Variants in OTUD7A observed in about 807,000 individuals in gnomAD.
OTUD7A encodes OTU deubiquitinase 7A.
A neutral mutation model predicts 65.7 loss-of-function variants in OTUD7A; 12 were observed. That is an observed-to-expected ratio of 0.18 (90% CI 0.12 to 0.30). The LOEUF is 0.30. Among genes scored for constraint, OTUD7A ranks in the 10% least tolerant of loss-of-function variants. The pLI is 1.00. For synonymous variants in OTUD7A, 641 were observed against 586.3 expected, an observed-to-expected ratio of 1.09 and a Z score of -1.35; for missense variants, 1,148 against 1,304.8, an observed-to-expected ratio of 0.88 and a Z score of 1.85.
intron 1 of OTUD7A, among the ~76,000 whole-genome samples, chr15:31,806,275 G>T (rs905870818): frequency 4.6e-5 from 7 of 152,134 alleles, no homozygotes; most frequent in Non-Finnish European, 8.8e-5. Flanking sequence ...GTGCATCTCT[G>T]GACAGGACTT....
chr15:31,733,142 G>T (rs2141363546), intron 1 of OTUD7A, among the ~76,000 whole-genome samples: 1 of 152,276 alleles, frequency 6.6e-6, no homozygotes, highest in South Asian at 2.1e-4. Flanking sequence ...AGTTGGTGAT[G>T]TATCAGCACT....
chr15:31,762,932 AG>A (rs1895006571), intron 1 of OTUD7A, among the ~76,000 whole-genome samples: 1 of 152,232 alleles, frequency 6.6e-6, no homozygotes, highest in South Asian at 2.1e-4. Flanking sequence ...TATTGGCAAA[AG>A]CAGACAAAAG....
intron 3 of OTUD7A, among the ~76,000 whole-genome samples, chr15:31,639,047 T>A (rs1891432821): frequency 3.3e-5 from 5 of 151,760 alleles, no homozygotes; most frequent in African/African-American, 1.2e-4. Flanking sequence ...GGCAGGAGAA[T>A]GGCGTGAACC....
chr15:31,537,467 A>G (rs892392942), intron 5 of OTUD7A, among the ~76,000 whole-genome samples: 1 of 152,254 alleles, frequency 6.6e-6, no homozygotes, highest in Non-Finnish European at 1.5e-5. Context: ...AAGTCACCTT[A>G]TTAAAGCTAA....
At chr15:31,846,141 T>C (rs1897288776) in intron 1 of OTUD7A, among the ~76,000 whole-genome samples, 1 of 152,218 alleles carries the variant, frequency 6.6e-6, no homozygotes, top group African/African-American at 2.4e-5. Context: ...ACCTCCTGTC[T>C]TCTGGGACTC....
rs971551856 is a variant in OTUD7A, at chr15:31,670,484, G to A, written c.-99-13407C>T. Among the ~76,000 whole-genome samples the A allele has an allele frequency of 2.2e-4, 33 of 151,860 alleles. 1 individual carries two copies. Among genetic ancestry groups the A allele is most frequent in the South Asian group, 2.1e-4 (1 of 4,826 alleles). On this transcript the variant is annotated intron_variant, in intron 1 of 12. Coordinates refer to ENST00000307050, the MANE Select transcript of OTUD7A (RefSeq NM_001382637.1). Reference sequence around the variant, plus strand: ...TAATAATTGTCATTCTGACTAGCACGAGATGGTATCTCATTGCAGTTTTGC... The same window carrying A: ...TAATAATTGTCATTCTGACTAGCACAAGATGGTATCTCATTGCAGTTTTGC...
chr15:31,526,229 T>G (rs74012507), intron 8 of OTUD7A, 120 bp downstream of exon 8: 52,999 of 1,057,424 alleles, frequency 0.05, 1,960 homozygotes, highest in African/African-American at 0.17. Context: ...CTGGAATCTT[T>G]CTGTCTTCCA....
At chr15:31,500,208 C>T (rs941064106) in intron 10 of OTUD7A, among the ~76,000 whole-genome samples, 22 of 152,210 alleles carry the variant, frequency 1.4e-4, no homozygotes, top group African/African-American at 4.1e-4. Context: ...GCTAAATCCC[C>T]GGGAAGGAGG....
intron 1 of OTUD7A, among the ~76,000 whole-genome samples, chr15:31,785,618 A>G (rs1202985668): frequency 6.6e-6 from 1 of 152,172 alleles, no homozygotes; most frequent in Non-Finnish European, 1.5e-5. Context: ...GATGCCTTCC[A>G]TGATTCTGAC....
chr15:31,655,069 G>T (rs1891949185), intron 3 of OTUD7A, 27 bp downstream of exon 3: 1 of 1,610,316 alleles, frequency 6.2e-7, no homozygotes, highest in Non-Finnish European at 8.5e-7. Context: ...CAGAATGGTG[G>T]TGTGGGGAAC....
chr15:31,596,681 G>A (rs1889913319), intron 3 of OTUD7A, among the ~76,000 whole-genome samples: 1 of 152,024 alleles, frequency 6.6e-6, no homozygotes, highest in African/African-American at 2.4e-5. Flanking sequence ...TTTGGTGGGT[G>A]TGCAGTGATA....
At chr15:31,833,605 A>G (rs1479832042) in intron 1 of OTUD7A, among the ~76,000 whole-genome samples, 3 of 152,236 alleles carry the variant, frequency 2.0e-5, no homozygotes, top group Admixed American at 1.3e-4. Flanking sequence ...TGCTTAGCAA[A>G]TATGTATTTA....
chr15:31,557,049 C>T (rs958915221), intron 5 of OTUD7A: 1 of 152,262 alleles, frequency 6.6e-6, no homozygotes, highest in Admixed American at 6.5e-5. Context: ...AATTTCTCCA[C>T]AGTCACAACA....
intron 10 of OTUD7A, among the ~76,000 whole-genome samples, chr15:31,488,235 G>A (rs1378740938): frequency 6.6e-6 from 1 of 152,186 alleles, no homozygotes; most frequent in Non-Finnish European, 1.5e-5. Flanking sequence ...GAGGTCACAT[G>A]TAGGTGGAGA....
chr15:31,649,159 T>C (rs1891762914), intron 3 of OTUD7A, among the ~76,000 whole-genome samples: 1 of 152,206 alleles, frequency 6.6e-6, no homozygotes, highest in Non-Finnish European at 1.5e-5. Flanking sequence ...CTGAAATAAA[T>C]GTCTCACTTT....
chr15:31,757,905 T>C (rs759855070), intron 1 of OTUD7A, among the ~76,000 whole-genome samples: 1 of 152,174 alleles, frequency 6.6e-6, no homozygotes, highest in Non-Finnish European at 1.5e-5. Flanking sequence ...CCACTGATGA[T>C]CGTTAGAACA....
At chr15:31,798,994 G>A (rs1404341147) in intron 1 of OTUD7A, among the ~76,000 whole-genome samples, 4 of 152,238 alleles carry the variant, frequency 2.6e-5, no homozygotes, top group Non-Finnish European at 5.9e-5. Flanking sequence ...GGCCTTCAAG[G>A]AGGGGCCAGG....
intron 3 of OTUD7A, 47 bp downstream of exon 3, chr15:31,655,049 T>C (rs370264263): frequency 1.3e-6 from 2 of 1,585,406 alleles, no homozygotes; most frequent in South Asian, 2.3e-5. Context: ...ATTTGGAAGG[T>C]GGTTATGCCC....
chr15:31,570,019 T>G lies in OTUD7A; in HGVS notation c.330A>C (p.Gln110His). 6.2e-7 allele frequency: 1 copy of G among 1,613,918 alleles called. No homozygotes were observed. Among genetic ancestry groups the G allele is most frequent in the Non-Finnish European group, 8.5e-7 (1 of 1,180,032 alleles). The change falls in exon 4 of 13, where the codon CAA becomes CAC. Residue 110 changes from glutamine to histidine, a missense_variant and splice_region_variant. By Grantham distance (24) the Gln-to-His change is conservative. This residue lies in a region of OTUD7A where 134 missense variants were observed against 252.6 expected (regional missense o/e 0.53). Transcript: ENST00000307050. ...CTAGGCTCAGTCCCTCAGCGGTACCTTGGGCAATGTCGTCCTGCCTCTGCA... is the reference window on the plus strand; with the variant it reads ...CTAGGCTCAGTCCCTCAGCGGTACCGTGGGCAATGTCGTCCTGCCTCTGCA... ...PCLQRQDDIA[Q>H]EKRLSRGISH...
Sources: gnomAD v4.1 joint callset for allele counts (sites outside exome capture counted in the v4.1 genomes callset) on GRCh38, gnomAD v4.1.1 for gene constraint, gnomAD v4.1.1 regional missense constraint, MANE v1.5 for transcripts, NCBI Gene and HGNC (gene_info 2026-07-23, HGNC 2026-07-21) for gene names.